Variants in SEMA5B observed in about 807,000 individuals in gnomAD.
The protein encoded by SEMA5B is semaphorin 5B.
Under a neutral mutation model 135.0 loss-of-function variants are expected in SEMA5B, and 66 were observed. That is an observed-to-expected ratio of 0.49 (90% CI 0.40 to 0.60). SEMA5B has a LOEUF of 0.60. Ranked by LOEUF, SEMA5B falls within the 20% of genes least tolerant of loss-of-function variation. SEMA5B has a pLI of 0.00. For synonymous variants in SEMA5B, 690 were observed against 639.5 expected, an observed-to-expected ratio of 1.08 and a Z score of -1.19; for missense variants, 1,501 against 1,566.3, an observed-to-expected ratio of 0.96 and a Z score of 0.70.
chr3:122,948,757 C>T (rs766838185), intron 2 of SEMA5B, 48 bp from the exon 3 acceptor site: 9 of 1,448,576 alleles, frequency 6.2e-6, no homozygotes, highest in Non-Finnish European at 8.4e-6. Flanking sequence ...CCAACTGGGC[C>T]CACTTCCCTC....
chr3:122,913,766 A>T, intron 15 of SEMA5B, 85 bp from the exon 16 acceptor site: 1 of 1,576,260 alleles, frequency 6.3e-7, no homozygotes, highest in Middle Eastern at 1.8e-4. Flanking sequence ...ACCGGAAAGG[A>T]CGAGAGTCCC....
intron 21 of SEMA5B, 187 bp downstream of exon 21, chr3:122,911,304 G>A: frequency 6.7e-7 from 1 of 1,485,760 alleles, no homozygotes; most frequent in Non-Finnish European, 9.0e-7. Flanking sequence ...ACAGACTGAT[G>A]ATGGCCTCCT....
chr3:123,027,593 C>T lies in SEMA5B; in HGVS notation c.-168G>A, dbSNP rs1163381135. 1 of 152,224 alleles carries T rather than the reference C, an allele frequency of 6.6e-6. No homozygotes were observed. The highest frequency in any genetic ancestry group is 2.4e-5 in the African/African-American group (1 of 41,446). 9.4% of individuals were successfully genotyped at this position (152,224 alleles called of 1,614,324 possible). Reference sequence around the variant, plus strand: ...GGGGCGGCCGCGCAGGAACGGCCTCCAGCTCTCAGCGCTCCGGTGCAGTCC... The same window carrying T: ...GGGGCGGCCGCGCAGGAACGGCCTCTAGCTCTCAGCGCTCCGGTGCAGTCC... On this transcript the variant is annotated 5_prime_UTR_variant, in exon 1 of 23. Transcript: ENST00000357599.
In SEMA5B at chr3:122,926,697, A is replaced by G. The variant is rs564213104; in HGVS notation, c.851-20T>C. On this transcript the variant is annotated intron_variant, in intron 8 of 22. Coordinates refer to ENST00000357599, the MANE Select transcript of SEMA5B (RefSeq NM_001031702.4). ...TTGGCTCTGGGTGGGCAGAAGAGGA[A>G]CAAGGGGCAGGGCAGGCCAGCGGGG... The G allele has an allele frequency of 8.1e-6, 13 of 1,607,352 alleles. No individual in the cohort carries two copies. Among genetic ancestry groups the G allele is most frequent in the African/African-American group, 1.3e-5 (1 of 74,930 alleles).
At position 122,909,441 on chromosome 3, in the gene SEMA5B, G is replaced by T. The variant is rs1560269957; in HGVS notation, c.*702C>A. 1 of 152,782 alleles carries T rather than the reference G, an allele frequency of 6.5e-6. No individual in the cohort carries two copies. Among genetic ancestry groups the T allele is most frequent in the Non-Finnish European group, 1.5e-5 (1 of 68,160 alleles). The allele number at this position is 152,782 out of a possible 1,614,324, so 9.5% of individuals were successfully genotyped here. On this transcript the variant is annotated 3_prime_UTR_variant, in exon 23 of 23. Coordinates refer to ENST00000357599, the MANE Select transcript of SEMA5B (RefSeq NM_001031702.4). Reference sequence around the variant, plus strand: ...CTATGGCATTGATCCTCTCTCCTGGGCCACCTTTCGTGCATTGAGGGCAAG... The same window carrying T: ...CTATGGCATTGATCCTCTCTCCTGGTCCACCTTTCGTGCATTGAGGGCAAG...
chr3:122,922,135 G>A lies in SEMA5B; in HGVS notation c.1481-13C>T, dbSNP rs1305791709. 7.2e-6 allele frequency: 11 copies of A among 1,527,416 alleles called. No individual in the cohort carries two copies. The highest frequency in any genetic ancestry group is 2.0e-5 in the Admixed American group (1 of 50,380). The allele number at this position is 1,527,416 out of a possible 1,614,324, so 94.6% of individuals were successfully genotyped here. On this transcript the variant is annotated splice_polypyrimidine_tract_variant and intron_variant, in intron 11 of 22. Coordinates refer to ENST00000357599, the MANE Select transcript of SEMA5B (RefSeq NM_001031702.4). ...ATGGTGCCCGACTCTGGAGGAGAGG[G>A]GGAGCCAGACCAAGGTGGCCTTGAA...
rs1253703709 is a variant in SEMA5B, at chr3:122,948,259, TTGGC to T, written c.328+243_328+246del. On this transcript the variant is annotated intron_variant, in intron 3 of 22. Transcript: ENST00000357599. ...AGCAAAAGACTCCCCTTACCCCAGG[TTGGC>T]ATGCATGAAGGGCCTGAATAAATTA... 2.0e-5 allele frequency among the ~76,000 whole-genome samples: 3 copies of T among 152,252 alleles called. No individual in the cohort carries two copies. The East Asian group carries it at 5.8e-4, about 29-fold the overall frequency.
At chr3:122,965,259 C>A (rs1171835674) in intron 1 of SEMA5B, among the ~76,000 whole-genome samples, 1 of 152,192 alleles carries the variant, frequency 6.6e-6, no homozygotes, top group Non-Finnish European at 1.5e-5. Flanking sequence ...ATTCATTCCC[C>A]CATTGTCTTC....
chr3:122,999,533 AT>A (rs201480319), intron 1 of SEMA5B, among the ~76,000 whole-genome samples: 4,405 of 146,258 alleles, frequency 0.03, 200 homozygotes, highest in African/African-American at 0.096. Context: ...CCTTAAGTAG[AT>A]TTTTTTTTTT....
At chr3:122,985,777 G>A (rs925133239) in intron 1 of SEMA5B, among the ~76,000 whole-genome samples, 19 of 152,172 alleles carry the variant, frequency 1.2e-4, no homozygotes, top group Non-Finnish European at 2.2e-4. Context: ...GGGTGGCCAC[G>A]CCAGCCTATG....
At chr3:122,972,305 A>G (rs541930459) in intron 1 of SEMA5B, among the ~76,000 whole-genome samples, 2 of 152,210 alleles carry the variant, frequency 1.3e-5, no homozygotes, top group East Asian at 3.9e-4. Flanking sequence ...GTGTGCAGTG[A>G]CTTAAGATGT....
chr3:122,933,010 A>T (rs28517755), intron 5 of SEMA5B, among the ~76,000 whole-genome samples: 1 of 151,834 alleles, frequency 6.6e-6, no homozygotes, highest in African/African-American at 2.4e-5. Flanking sequence ...GTAAGCCACC[A>T]TGCCTGGGCT....
At chr3:122,953,551 A>T (rs1940149002) in intron 2 of SEMA5B, among the ~76,000 whole-genome samples, 6 of 152,030 alleles carry the variant, frequency 3.9e-5, no homozygotes, top group Admixed American at 2.0e-4. Context: ...TTCAGGAGAG[A>T]AGGGAAGGAC....
At chr3:123,008,597 A>G (rs1257450277) in intron 1 of SEMA5B, among the ~76,000 whole-genome samples, 3 of 152,216 alleles carry the variant, frequency 2.0e-5, no homozygotes, top group Non-Finnish European at 4.4e-5. Context: ...AAGCTGGGGA[A>G]GGACAGGGTT....
intron 1 of SEMA5B, among the ~76,000 whole-genome samples, chr3:123,014,950 A>G (rs541034614): frequency 1.3e-5 from 2 of 152,352 alleles, no homozygotes; most frequent in South Asian, 2.1e-4. Flanking sequence ...CCAACCCAAT[A>G]TGACTGGTGT....
At chr3:122,948,457 T>G in intron 3 of SEMA5B, 49 bp downstream of exon 3, 1 of 1,516,208 alleles carries the variant, frequency 6.6e-7, no homozygotes, top group Non-Finnish European at 9.0e-7. Flanking sequence ...CCTAAGTCCT[T>G]CAGGACACGG....
chr3:122,928,679 C>T (rs750549075), intron 6 of SEMA5B, 64 bp from the exon 7 acceptor site: 2 of 1,173,776 alleles, frequency 1.7e-6, no homozygotes, highest in Non-Finnish European at 2.5e-6. Flanking sequence ...ATATCTCACG[C>T]TCACACCACT....
chr3:123,006,662 G>T (rs760784575), intron 1 of SEMA5B, among the ~76,000 whole-genome samples: 11 of 152,204 alleles, frequency 7.2e-5, no homozygotes, highest in Non-Finnish European at 1.5e-4. Context: ...GCACTCAGGA[G>T]GCTGAGAGAG....
chr3:122,991,990 G>A (rs985407264), intron 1 of SEMA5B, among the ~76,000 whole-genome samples: 40 of 152,202 alleles, frequency 2.6e-4, no homozygotes, highest in African/African-American at 9.6e-4. Flanking sequence ...AGCATGTGGC[G>A]ACCTCCTAGA....
Sources: allele counts gnomAD v4.1 joint callset (sites outside exome capture counted in the v4.1 genomes callset), GRCh38; gene constraint gnomAD v4.1.1; transcripts MANE v1.5; gene names NCBI Gene and HGNC (gene_info 2026-07-23, HGNC 2026-07-21).